The following NRXN1 variants were observed in gnomAD, a reference collection of about 807,000 sequenced individuals.
NRXN1 encodes neurexin-1.
In NRXN1, 39 loss-of-function variants were observed where a neutral mutation model predicts 150.9. The observed-to-expected ratio is 0.26, with a 90% CI of 0.20 to 0.34. NRXN1 has a LOEUF of 0.34. NRXN1 is among the 10% of genes least tolerant of loss of function. The pLI, the probability that NRXN1 is intolerant of heterozygous loss-of-function variation, is 1.00. For missense variants in NRXN1, 1,815 were observed against 1,949.9 expected, an observed-to-expected ratio of 0.93 and a Z score of 1.30; for synonymous variants, 924 against 757.0, an observed-to-expected ratio of 1.22 and a Z score of -3.62.
intron 2 of NRXN1, among the ~76,000 whole-genome samples, chr2:50,958,578 C>T (rs1025709646): frequency 3.9e-5 from 6 of 152,014 alleles, no homozygotes; most frequent in Admixed American, 6.6e-5. Flanking sequence ...TGCAACCATG[C>T]TGAACTAATC....
intron 18 of NRXN1, among the ~76,000 whole-genome samples, chr2:50,147,039 C>T (rs1231144900): frequency 2.0e-5 from 3 of 151,696 alleles, no homozygotes; most frequent in Non-Finnish European, 4.4e-5. Context: ...TTTGTTTCCC[C>T]TGTAACACTC....
intron 21 of NRXN1, among the ~76,000 whole-genome samples, chr2:49,964,589 C>A (rs1175972033): frequency 6.6e-6 from 1 of 151,724 alleles, no homozygotes. Flanking sequence ...TCTGTAATCC[C>A]AGCACTTTGG....
chr2:49,951,580 C>T (rs927979399), intron 21 of NRXN1, among the ~76,000 whole-genome samples: 26 of 152,006 alleles, frequency 1.7e-4, no homozygotes, highest in African/African-American at 5.8e-4. Flanking sequence ...CTGTGTTTCC[C>T]GTCTCTTTGT....
At chr2:50,788,789 C>T (rs1705519787) in intron 5 of NRXN1, among the ~76,000 whole-genome samples, 2 of 151,736 alleles carry the variant, frequency 1.3e-5, no homozygotes, top group South Asian at 4.2e-4. Context: ...AAGCATATCC[C>T]TACCTATAAG....
intron 18 of NRXN1, among the ~76,000 whole-genome samples, chr2:50,228,096 G>A (rs190237541): frequency 8.6e-5 from 13 of 152,020 alleles, no homozygotes; most frequent in African/African-American, 2.9e-4. Flanking sequence ...AAGAAACAGG[G>A]TTTGCTAAAT....
intron 13 of NRXN1, among the ~76,000 whole-genome samples, chr2:50,503,073 C>T (rs1398355640): frequency 6.6e-6 from 1 of 151,950 alleles, no homozygotes; most frequent in East Asian, 1.9e-4. Context: ...TTTGGGAGGC[C>T]AATATGGGTG....
chr2:50,949,216 G>T (rs1030246902), intron 2 of NRXN1, among the ~76,000 whole-genome samples: 9 of 151,822 alleles, frequency 5.9e-5, no homozygotes, highest in Non-Finnish European at 1.0e-4. Context: ...TAACATGTGG[G>T]GCTCAAAAGA....
chr2:50,081,425 A>C (rs1387340780), intron 19 of NRXN1, among the ~76,000 whole-genome samples: 3 of 152,144 alleles, frequency 2.0e-5, no homozygotes, highest in Non-Finnish European at 2.9e-5. Flanking sequence ...AAAATACAAA[A>C]ATTAGCTGGG....
At chr2:50,535,808 G>A (rs771060140) in intron 10 of NRXN1, among the ~76,000 whole-genome samples, 9 of 151,998 alleles carry the variant, frequency 5.9e-5, no homozygotes, top group African/African-American at 2.2e-4. Context: ...CTCCTATAAT[G>A]CAATTGCAAC....
Position 50,239,680 on chromosome 2 carries a change from A to G in NRXN1, c.3365-2710T>C, listed in dbSNP as rs1434035385. The stretch of plus-strand genomic sequence containing the variant: ...TATTCCAGTATATATATATATATAT[A>G]TATATATATATATATATATATATAT... On this transcript the variant is annotated intron_variant, in intron 17 of 22. Coordinates refer to ENST00000401669, the MANE Select transcript of NRXN1 (RefSeq NM_001330078.2). Among the ~76,000 whole-genome samples, 5 of 83,690 alleles carry G rather than the reference A, an allele frequency of 6.0e-5. No individual in the cohort carries two copies. In the East Asian group the frequency reaches 9.3e-4, roughly 16 times the overall value. 54.9% of individuals were successfully genotyped at this position (83,690 alleles called of 152,430 possible).
rs546656438 is a variant in NRXN1, at chr2:50,395,954, G to A, written c.3364+69488C>T. Among the ~76,000 whole-genome samples the A allele has an allele frequency of 2.0e-4, 30 of 152,280 alleles. No homozygotes were observed. The South Asian group carries it at 4.6e-3, about 23-fold the overall frequency. On this transcript the variant is annotated intron_variant, in intron 17 of 22. Coordinates refer to ENST00000401669, the MANE Select transcript of NRXN1 (RefSeq NM_001330078.2). ...AAATATGTAAATCCTCTGCTCTGTC[G>A]TTAGGGACTAAGGTTGTTGAAGGCC...
chr2:50,953,304 C>A (rs568941106), intron 2 of NRXN1, among the ~76,000 whole-genome samples: 1 of 152,216 alleles, frequency 6.6e-6, no homozygotes, highest in Admixed American at 6.5e-5. Context: ...GAGGTTGTTA[C>A]AACATAATGC....
intron 5 of NRXN1, chr2:50,917,364 A>G (rs1370967144): frequency 3.3e-5 from 5 of 151,800 alleles, no homozygotes; most frequent in Non-Finnish European, 7.4e-5. Flanking sequence ...AATATATTTT[A>G]AAAAGCATAA....
Position 50,497,505 on chromosome 2 carries a change from T to C in NRXN1, c.2707A>G (p.Ile903Val), listed in dbSNP as rs1375757334. Reference protein sequence around the residue: ...LNARFGFRNIIADPVTFKTKS... With the variant: ...LNARFGFRNIVADPVTFKTKS... ...GTCTTGAAGGTGACAGGATCTGCTA[T>C]GATGTTCCTGAAGCCAAATCTGGCA... is the stretch of plus-strand genomic sequence containing the variant. The change falls in exon 14 of 23, where the codon ATA becomes GTA. Residue 903 changes from isoleucine (I) to valine (V), a missense_variant. Coordinates refer to ENST00000401669, the MANE Select transcript of NRXN1 (RefSeq NM_001330078.2). 4 of 1,613,824 alleles carry C rather than the reference T, an allele frequency of 2.5e-6. No homozygotes were observed. In the South Asian group the frequency reaches 3.3e-5, roughly 13 times the overall value.
chr2:49,974,075 C>T lies in NRXN1; in HGVS notation c.4129-30284G>A, dbSNP rs1320968939. 5.6e-6 allele frequency: 4 copies of T among 717,202 alleles called. No individual in the cohort carries two copies. The Admixed American group carries it at 6.0e-5, about 11-fold the overall frequency. The allele number at this position is 717,202 out of a possible 1,614,324, so 44.4% of individuals were successfully genotyped here. On this transcript the variant is annotated intron_variant, in intron 21 of 22. Transcript: ENST00000401669. The stretch of plus-strand genomic sequence containing the variant: ...GGAAATCCTAGGAAATTTAGTCCAT[C>T]CTCTGAAATCAATACTGGTGACAGG...
chr2:50,951,475 C>T (rs1278557459), intron 2 of NRXN1, among the ~76,000 whole-genome samples: 1 of 152,106 alleles, frequency 6.6e-6, no homozygotes, highest in African/African-American at 2.4e-5. Context: ...AAATTGAACA[C>T]CAAGTATTTT....
intron 12 of NRXN1, among the ~76,000 whole-genome samples, chr2:50,509,506 T>G (rs1315767230): frequency 6.6e-6 from 1 of 152,200 alleles, no homozygotes; most frequent in Non-Finnish European, 1.5e-5. Context: ...GCTAACACAC[T>G]CAACTTCTGG....
Position 49,946,000 on chromosome 2 carries a change from A to C in NRXN1, c.4129-2209T>G, listed in dbSNP as rs191667702. 5.8e-3 allele frequency among the ~76,000 whole-genome samples: 882 copies of C among 152,250 alleles called. 7 individuals carry two copies. Among genetic ancestry groups the C allele is most frequent in the African/African-American group, 0.021 (852 of 41,556 alleles). ...AATGGTTGAACTAATTTACACTCCC[A>C]CCAACAGTGTAAAAGCATTCCTATT... On this transcript the variant is annotated intron_variant, in intron 21 of 22. Coordinates refer to ENST00000401669, the MANE Select transcript of NRXN1 (RefSeq NM_001330078.2).
chr2:50,965,093 C>T (rs1004297470), intron 2 of NRXN1, among the ~76,000 whole-genome samples: 1 of 151,338 alleles, frequency 6.6e-6, no homozygotes, highest in African/African-American at 2.4e-5. Flanking sequence ...ATGAGTGTCG[C>T]AACCATTCTA....
Sources: allele counts gnomAD v4.1 joint callset (sites outside exome capture counted in the v4.1 genomes callset), GRCh38; gene constraint gnomAD v4.1.1; transcripts MANE v1.5; gene names NCBI Gene and HGNC (gene_info 2026-07-23, HGNC 2026-07-21).